MAGI2: variants seen among roughly 807,000 people sequenced by gnomAD.
MAGI2 encodes membrane associated guanylate kinase, WW and PDZ domain containing 2.
MAGI2 carries 35 observed loss-of-function variants against 133.3 expected under a neutral mutation model. The ratio of observed to expected loss-of-function variants is 0.26; its 90% CI spans 0.20 to 0.35. The LOEUF (loss-of-function observed/expected upper bound fraction) is 0.35. Among genes scored for constraint, MAGI2 ranks in the 10% least tolerant of loss-of-function variants. The pLI is 1.00. For synonymous variants in MAGI2, 729 were observed against 710.6 expected, an observed-to-expected ratio of 1.03 and a Z score of -0.41; for missense variants, 1,636 against 1,863.4, an observed-to-expected ratio of 0.88 and a Z score of 2.25.
intron 2 of MAGI2, among the ~76,000 whole-genome samples, chr7:78,927,792 T>C (rs887765024): frequency 3.9e-5 from 6 of 151,926 alleles, no homozygotes; most frequent in Admixed American, 3.3e-4. Context: ...CATTTCTGAA[T>C]TTTGTCCAGA....
intron 16 of MAGI2, among the ~76,000 whole-genome samples, chr7:78,156,775 GCA>G (rs1226413050): frequency 6.7e-6 from 1 of 148,354 alleles, no homozygotes; most frequent in African/African-American, 2.5e-5. Context: ...AAGCAAAACA[GCA>G]CTTAGTCCAC....
At chr7:78,629,853 T>A (rs187080446) in intron 2 of MAGI2, among the ~76,000 whole-genome samples, 1 of 152,290 alleles carries the variant, frequency 6.6e-6, no homozygotes, top group Admixed American at 6.5e-5. Flanking sequence ...CTAATTTTTC[T>A]TATCTGCATT....
intron 2 of MAGI2, among the ~76,000 whole-genome samples, chr7:78,874,587 A>T (rs1013713759): frequency 7.9e-5 from 12 of 152,206 alleles, no homozygotes; most frequent in Admixed American, 7.9e-4. Flanking sequence ...AAAAAAGTTG[A>T]TCTCATAGAT....
chr7:78,245,672 G>A (rs1431164135), intron 10 of MAGI2, among the ~76,000 whole-genome samples: 1 of 152,074 alleles, frequency 6.6e-6, no homozygotes, highest in Non-Finnish European at 1.5e-5. Flanking sequence ...ACTTCTCCCT[G>A]TGAGGAAAAG....
In MAGI2 at chr7:78,847,783, C is replaced by T. The variant is rs148895299; in HGVS notation, c.418+159307G>A. Among the ~76,000 whole-genome samples the T allele has an allele frequency of 2.5e-3, 384 of 151,998 alleles. 1 individual carries two copies. The highest frequency in any genetic ancestry group is 8.5e-3 in the African/African-American group (353 of 41,518). ...TCCTTCTTCTCACTTTTCTTCAGTGCATACAGGTATAATTTTATTTATTTG... is the reference window on the plus strand; with the variant it reads ...TCCTTCTTCTCACTTTTCTTCAGTGTATACAGGTATAATTTTATTTATTTG... On this transcript the variant is annotated intron_variant, in intron 2 of 21. Transcript: ENST00000354212.
chr7:79,193,966 G>A (rs1173212607), intron 1 of MAGI2, among the ~76,000 whole-genome samples: 1 of 151,688 alleles, frequency 6.6e-6, no homozygotes, highest in African/African-American at 2.4e-5. Context: ...TTTTTTGTTT[G>A]TTTGTTTGTT....
At chr7:78,192,497 A>G (rs1038841590) in intron 12 of MAGI2, among the ~76,000 whole-genome samples, 2 of 151,082 alleles carry the variant, frequency 1.3e-5, no homozygotes, top group Non-Finnish European at 2.9e-5. Flanking sequence ...TTGGAAATGG[A>G]AACGTACAGG....
At chr7:78,144,700 G>C (rs1379987266) in intron 16 of MAGI2, among the ~76,000 whole-genome samples, 1 of 152,132 alleles carries the variant, frequency 6.6e-6, no homozygotes, top group Admixed American at 6.5e-5. Context: ...CCATCGTGGG[G>C]ATTGTTGTTG....
chr7:78,523,576 C>G (rs1423234292), intron 3 of MAGI2, among the ~76,000 whole-genome samples: 1 of 152,114 alleles, frequency 6.6e-6, no homozygotes, highest in Non-Finnish European at 1.5e-5. Context: ...CTCACATTTT[C>G]ACAAGGCTGT....
At chr7:78,825,855 C>T (rs1004799733) in intron 2 of MAGI2, among the ~76,000 whole-genome samples, 1 of 152,020 alleles carries the variant, frequency 6.6e-6, no homozygotes, top group African/African-American at 2.4e-5. Context: ...TGTCTCCAAC[C>T]GATTTGAAAA....
chr7:79,117,836 G>C (rs1000067758), intron 1 of MAGI2, among the ~76,000 whole-genome samples: 29 of 152,160 alleles, frequency 1.9e-4, no homozygotes, highest in Admixed American at 1.4e-3. Flanking sequence ...AGTTAGCGGG[G>C]TGTACACACA....
At chr7:78,110,519 G>A (rs955202549) in intron 20 of MAGI2, among the ~76,000 whole-genome samples, 2 of 152,146 alleles carry the variant, frequency 1.3e-5, no homozygotes, top group Non-Finnish European at 2.9e-5. Flanking sequence ...CCTCTTCCCC[G>A]CACCATGCTT....
intron 2 of MAGI2, among the ~76,000 whole-genome samples, chr7:78,736,839 G>C (rs1337344691): frequency 6.6e-6 from 1 of 152,096 alleles, no homozygotes; most frequent in Non-Finnish European, 1.5e-5. Context: ...TAAAAAAAAT[G>C]TTAAATCATA....
intron 1 of MAGI2, among the ~76,000 whole-genome samples, chr7:79,357,368 G>A (rs896319552): frequency 5.9e-5 from 9 of 151,784 alleles, no homozygotes; most frequent in Admixed American, 2.0e-4. Flanking sequence ...TGCCAACTCA[G>A]AAAGGGCATA....
At chr7:78,176,865 A>G (rs1372807988) in intron 14 of MAGI2, among the ~76,000 whole-genome samples, 2 of 150,378 alleles carry the variant, frequency 1.3e-5, no homozygotes, top group Non-Finnish European at 3.0e-5. Context: ...CCACATATAT[A>G]TAATATTTGT....
At chr7:78,087,574 G>A (rs1322532824) in intron 20 of MAGI2, among the ~76,000 whole-genome samples, 1 of 152,130 alleles carries the variant, frequency 6.6e-6, no homozygotes, top group East Asian at 1.9e-4. Flanking sequence ...TGTATTAAAT[G>A]GGGAAATGGG....
At chr7:78,900,190 C>G (rs1298696039) in intron 2 of MAGI2, among the ~76,000 whole-genome samples, 2 of 152,148 alleles carry the variant, frequency 1.3e-5, no homozygotes, top group African/African-American at 4.8e-5. Flanking sequence ...CAAGATGGAC[C>G]CTTACTCACT....
At chr7:78,149,162 C>T (rs556697359) in intron 16 of MAGI2, among the ~76,000 whole-genome samples, 53 of 152,246 alleles carry the variant, frequency 3.5e-4, no homozygotes, top group African/African-American at 1.2e-3. Context: ...TTCAAATGCT[C>T]CACAGCCACA....
intron 1 of MAGI2, among the ~76,000 whole-genome samples, chr7:79,441,187 G>A (rs1326178346): frequency 6.6e-6 from 1 of 152,186 alleles, no homozygotes; most frequent in African/African-American, 2.4e-5. Context: ...TAAACATGTG[G>A]ATACTTGAAC....
Sources: gnomAD v4.1 joint callset for allele counts (sites outside exome capture counted in the v4.1 genomes callset) on GRCh38, gnomAD v4.1.1 for gene constraint, MANE v1.5 for transcripts, NCBI Gene and HGNC (gene_info 2026-07-23, HGNC 2026-07-21) for gene names.